The following LGALS8 variants were observed in gnomAD, a reference collection of about 807,000 sequenced individuals.
The protein encoded by LGALS8 is galectin-8.
LGALS8 carries 30 observed loss-of-function variants against 35.9 expected under a neutral mutation model. The observed-to-expected ratio is 0.83, with a 90% CI of 0.62 to 1.13. The LOEUF (loss-of-function observed/expected upper bound fraction) is 1.13, where lower values mean the gene tolerates loss of function less well. Ranked by LOEUF, LGALS8 falls within the 50% of genes most tolerant of loss-of-function variation. LGALS8 has a pLI of 0.00. For missense variants in LGALS8, 366 were observed against 388.7 expected (o/e 0.94, Z 0.49); for synonymous variants, 138 against 136.1 (o/e 1.01, Z -0.10).
At position 236,548,318 on chromosome 1, in the gene LGALS8, A is replaced by C. The variant is rs1041939; in HGVS notation, c.*157A>C. ...TGGGTGTTCTCAGTCCTTGCCATGA[A>C]GTATGGTGGTGTCTAGCACTGAATG... On this transcript the variant is annotated 3_prime_UTR_variant, in exon 10 of 10. Transcript: ENST00000366584. 0.061 allele frequency: 42,745 copies of C among 697,120 alleles called. 2,336 individuals carry two copies. Among genetic ancestry groups the C allele is most frequent in the African/African-American group, 0.19 (10,618 of 55,630 alleles). 43.2% of individuals were successfully genotyped at this position (697,120 alleles called of 1,614,324 possible).
chr1:236,543,475 C>G, intron 7 of LGALS8, 85 bp from the exon 8 acceptor site: 1 of 1,011,410 alleles, frequency 9.9e-7, no homozygotes, highest in Admixed American at 1.8e-5. Context: ...GGCTCTGAAA[C>G]ATTCCGTAGT....
chr1:236,532,700 C>T (rs1425373206), intron 2 of LGALS8, among the ~76,000 whole-genome samples: 4 of 152,056 alleles, frequency 2.6e-5, no homozygotes, highest in Non-Finnish European at 5.9e-5. Flanking sequence ...AAAAATTAGC[C>T]AGGCGTGGTG....
rs139956404 is a variant in LGALS8, at chr1:236,548,132, A to G, written c.925A>G (p.Ile309Val). ...TGACACGCTGGAAATTAATGGAGAC[A>G]TCCACTTACTGGAAGTAAGGAGCTG... Reference protein sequence around the residue: ...SIDTLEINGDIHLLEVRSW With the variant: ...SIDTLEINGDVHLLEVRSW The change falls in exon 10 of 10, where the codon ATC (isoleucine) becomes GTC (valine). Residue 309 changes from isoleucine to valine, a missense_variant. Ile to Val is a conservative substitution (Grantham distance 29, BLOSUM62 3). Transcript: ENST00000366584. 3.1e-6 allele frequency: 5 copies of G among 1,613,998 alleles called. No individual in the cohort carries two copies. Among genetic ancestry groups the G allele is most frequent in the African/African-American group, 1.3e-5 (1 of 75,054 alleles).
Position 236,537,021 on chromosome 1 carries a change from C to CTTTTTTTTTTT in LGALS8, c.46-473_46-463dup, listed in dbSNP as rs60024224. ...ATCCTGGCCATGAGGTATGCAGTTCCTTTTTTTTTTTTTGAGACGGAGCCT... is the reference window on the plus strand; with the variant it reads ...ATCCTGGCCATGAGGTATGCAGTTCCTTTTTTTTTTTTTTTTTTTTTTTTGAGACGGAGCCT... On this transcript the variant is annotated intron_variant, in intron 2 of 9. Coordinates refer to ENST00000366584, the MANE Select transcript of LGALS8 (RefSeq NM_201544.4). Among the ~76,000 whole-genome samples the CTTTTTTTTTTT allele has an allele frequency of 3.4e-3, 462 of 137,790 alleles. 33 individuals carry two copies. The highest frequency in any genetic ancestry group is 0.013 in the African/African-American group (434 of 34,370). 90.4% of individuals were successfully genotyped at this position (137,790 alleles called of 152,430 possible). A position where few individuals can be genotyped will look rare whatever the true frequency, so the allele number is the denominator to read the frequency against.
chr1:236,550,862 G>T lies in LGALS8; in HGVS notation c.*2701G>T. On this transcript the variant is annotated 3_prime_UTR_variant, in exon 10 of 10. Coordinates refer to ENST00000366584, the MANE Select transcript of LGALS8 (RefSeq NM_201544.4). ...CCAAAAATAAAAATATGAAATATGA[G>T]TGTGAACTCTGAGTAGAGTATGAAA... The T allele has an allele frequency of 6.9e-7, 1 of 1,457,330 alleles. No individual in the cohort carries two copies. The highest frequency in any genetic ancestry group is 9.4e-7 in the Non-Finnish European group (1 of 1,066,698). The allele number at this position is 1,457,330 out of a possible 1,614,324, so 90.3% of individuals were successfully genotyped here.
chr1:236,550,678 C>A lies in LGALS8; in HGVS notation c.*2517C>A. On this transcript the variant is annotated 3_prime_UTR_variant, in exon 10 of 10. Transcript: ENST00000366584. Reference sequence around the variant, plus strand: ...AAACACAGCAGTCTGTATAAAAATACCGTGTATCATTTACTCTTTCTGCAG... The same window carrying A: ...AAACACAGCAGTCTGTATAAAAATAACGTGTATCATTTACTCTTTCTGCAG... 2.2e-6 allele frequency: 1 copy of A among 454,676 alleles called. No individual in the cohort carries two copies. Among genetic ancestry groups the A allele is most frequent in the Non-Finnish European group, 3.9e-6 (1 of 257,904 alleles). 28.2% of individuals were successfully genotyped at this position (454,676 alleles called of 1,614,324 possible).
chr1:236,527,058 A>G (rs1426007094), intron 2 of LGALS8, among the ~76,000 whole-genome samples: 1 of 152,152 alleles, frequency 6.6e-6, no homozygotes, highest in Non-Finnish European at 1.5e-5. Context: ...ATTTAAGATG[A>G]CTTTGCGCAT....
rs1316225184 is a variant in LGALS8 at position 236,552,133 on chromosome 1, AT to A, written c.*3973del. 2.8e-6 allele frequency: 4 copies of A among 1,443,626 alleles called. No homozygotes were observed. The South Asian group carries it at 4.6e-5, about 17-fold the overall frequency. 89.4% of individuals were successfully genotyped at this position (1,443,626 alleles called of 1,614,324 possible). A position where few individuals can be genotyped will look rare whatever the true frequency, so the allele number is the denominator to read the frequency against. ...CTGAAAGGGATAAAAGAGCAAAGAA[AT>A]AAAAAGTAGTGTTACTGTATTTATT... is the stretch of plus-strand genomic sequence containing the variant. On this transcript the variant is annotated 3_prime_UTR_variant, in exon 10 of 10. Transcript: ENST00000366584.
At chr1:236,528,402 A>C (rs1168689873) in intron 2 of LGALS8, among the ~76,000 whole-genome samples, 20 of 120,238 alleles carry the variant, frequency 1.7e-4, no homozygotes, top group African/African-American at 4.9e-4. Context: ...AAACCCCCCC[A>C]CACACAAAAC....
chr1:236,524,120 C>G (rs1359230335), intron 1 of LGALS8, 59 bp downstream of exon 1: 2 of 456,604 alleles, frequency 4.4e-6, no homozygotes. Flanking sequence ...CGTGGCTGCT[C>G]TGAGGGTCTC....
intron 2 of LGALS8, among the ~76,000 whole-genome samples, chr1:236,533,309 T>C (rs1458745941): frequency 1.3e-5 from 2 of 151,678 alleles, no homozygotes. Flanking sequence ...CTGAAGCATT[T>C]CTTTGACTCT....
chr1:236,528,620 T>C (rs993673687), intron 2 of LGALS8, among the ~76,000 whole-genome samples: 1 of 145,342 alleles, frequency 6.9e-6, no homozygotes, highest in Non-Finnish European at 1.5e-5. Context: ...GGTGCAGTCT[T>C]ACCCCACTGC....
chr1:236,528,433 T>G (rs1049790018), intron 2 of LGALS8, among the ~76,000 whole-genome samples: 1 of 151,506 alleles, frequency 6.6e-6, no homozygotes, highest in Non-Finnish European at 1.5e-5. Flanking sequence ...GAATCATGGT[T>G]GTTTTGTTAC....
chr1:236,547,954 C>T, intron 9 of LGALS8, 58 bp from the exon 10 acceptor site: 3 of 1,491,858 alleles, frequency 2.0e-6, no homozygotes, highest in East Asian at 2.3e-5. Context: ...TAGCATGTAA[C>T]AAACACAAAA....
chr1:236,520,737 C>T (rs908358232), upstream of LGALS8, among the ~76,000 whole-genome samples: 8 of 152,274 alleles, frequency 5.3e-5, no homozygotes, highest in South Asian at 4.1e-4. Context: ...CAGGGCTGTC[C>T]GAGGTGATTT....
At chr1:236,544,531 G>GGT (rs1553278249) in intron 8 of LGALS8, among the ~76,000 whole-genome samples, 2,030 of 149,400 alleles carry the variant, frequency 0.014, 25 homozygotes, top group Non-Finnish European at 0.019. Context: ...ATTTTAAAGG[G>GGT]TTTTTTTTTT....
At chr1:236,543,372 G>A in intron 7 of LGALS8, 188 bp from the exon 8 acceptor site, 1 of 700,678 alleles carries the variant, frequency 1.4e-6, no homozygotes, top group South Asian at 1.5e-5. Context: ...GTAATCATGT[G>A]TGTTTGCTTC....
chr1:236,524,434 C>G (rs138912696), intron 1 of LGALS8: 50 of 455,864 alleles, frequency 1.1e-4, no homozygotes, highest in Middle Eastern at 6.5e-4. Flanking sequence ...AGCGCCACCT[C>G]CAAGTGGAGG....
At chr1:236,522,594 G>A (rs561848990), upstream of LGALS8, among the ~76,000 whole-genome samples, 2 of 152,284 alleles carry the variant, frequency 1.3e-5, no homozygotes, top group African/African-American at 4.8e-5. Context: ...ATATTCAATT[G>A]CTCCTGACTT....
Sources: allele counts gnomAD v4.1 joint callset (sites outside exome capture counted in the v4.1 genomes callset), GRCh38; gene constraint gnomAD v4.1.1; transcripts MANE v1.5; gene names NCBI Gene and HGNC (gene_info 2026-07-23, HGNC 2026-07-21).